Variants in RIMS1 observed in about 807,000 individuals in gnomAD.
RIMS1 encodes the protein regulating synaptic membrane exocytosis protein 1.
A neutral mutation model predicts 214.1 loss-of-function variants in RIMS1; 83 were observed. The ratio of observed to expected loss-of-function variants is 0.39; its 90% CI spans 0.32 to 0.47. RIMS1 has a LOEUF of 0.47. Ranked by LOEUF, RIMS1 falls within the 20% of genes least tolerant of loss-of-function variation. The pLI, the probability that RIMS1 is intolerant of heterozygous loss-of-function variation, is 0.99. For missense variants in RIMS1, 2,050 were observed against 2,161.8 expected, an observed-to-expected ratio of 0.95 and a Z score of 1.03; for synonymous variants, 793 against 786.8, an observed-to-expected ratio of 1.01 and a Z score of -0.13.
intron 4 of RIMS1, among the ~76,000 whole-genome samples, chr6:72,158,410 GTA>G (rs1425225389): frequency 7.1e-6 from 1 of 140,052 alleles, no homozygotes; most frequent in African/African-American, 2.5e-5. Flanking sequence ...TAAAAAGATT[GTA>G]TTTTTTTTAA....
chr6:72,358,697 T>G (rs959551259), intron 29 of RIMS1, among the ~76,000 whole-genome samples: 5 of 152,140 alleles, frequency 3.3e-5, no homozygotes, highest in African/African-American at 1.2e-4. Flanking sequence ...AGAGAATTAA[T>G]CAATAGAGCC....
intron 1 of RIMS1, among the ~76,000 whole-genome samples, chr6:71,963,699 A>G (rs1204435110): frequency 6.6e-6 from 1 of 152,164 alleles, no homozygotes; most frequent in Non-Finnish European, 1.5e-5. Flanking sequence ...AACCATATGA[A>G]CACAAATTTA....
rs2091403135 is a variant in RIMS1 at position 72,284,073 on chromosome 6, G to A, written c.3509G>A (p.Ser1170Asn). The A allele has an allele frequency of 1.2e-6, 2 of 1,613,104 alleles. No homozygotes were observed. The highest frequency in any genetic ancestry group is 1.7e-6 in the Non-Finnish European group (2 of 1,179,332). ...CACTCCAGAAAGTCTGAAAGATCTA[G>A]CATCCAAAAACAGACTAGGAAAGGC... is the stretch of plus-strand genomic sequence containing the variant. ...DRHSRKSERSSIQKQTRKGTA... is the reference protein window; with the variant it reads ...DRHSRKSERSNIQKQTRKGTA... The change falls in exon 24 of 34, where the codon AGC becomes AAC. Residue 1170 changes from serine to asparagine, a missense_variant. Coordinates refer to ENST00000521978, the MANE Select transcript of RIMS1 (RefSeq NM_014989.7).
chr6:72,144,520 AGGCTGCTGACATGAACAGATAATTGGT>A (rs1405177435), intron 4 of RIMS1, among the ~76,000 whole-genome samples: 1 of 152,152 alleles, frequency 6.6e-6, no homozygotes, highest in African/African-American at 2.4e-5. Flanking sequence ...AAAAGTCCTA[AGGCTGCTGACATGAACAGATAATTGGT>A]GGCTACAGTT....
intron 4 of RIMS1, among the ~76,000 whole-genome samples, chr6:72,121,301 ATTTG>A (rs2038248421): frequency 6.6e-6 from 1 of 151,812 alleles, no homozygotes; most frequent in Admixed American, 6.6e-5. Context: ...ATGTTGTTCC[ATTTG>A]TTTGTGTCCT....
intron 2 of RIMS1, among the ~76,000 whole-genome samples, chr6:72,043,862 T>C (rs1300010285): frequency 6.6e-6 from 1 of 151,476 alleles, no homozygotes; most frequent in Non-Finnish European, 1.5e-5. Context: ...TGAAGAAAAA[T>C]TTAATGAAAC....
chr6:72,090,993 T>A (rs954896709), intron 2 of RIMS1, among the ~76,000 whole-genome samples: 1 of 152,184 alleles, frequency 6.6e-6, no homozygotes, highest in African/African-American at 2.4e-5. Flanking sequence ...TGTGCTAAGG[T>A]TGACGAAGGG....
chr6:71,996,140 C>T (rs1803344757), intron 2 of RIMS1, among the ~76,000 whole-genome samples: 1 of 152,168 alleles, frequency 6.6e-6, no homozygotes, highest in Non-Finnish European at 1.5e-5. Context: ...CATAATTTAA[C>T]CATCTCTTCC....
intron 6 of RIMS1, among the ~76,000 whole-genome samples, chr6:72,217,656 T>C (rs886105041): frequency 6.6e-6 from 1 of 152,200 alleles, no homozygotes; most frequent in African/African-American, 2.4e-5. Context: ...TTTAAGTATA[T>C]ATAGATTGTT....
chr6:72,313,728 C>G, intron 28 of RIMS1, 56 bp downstream of exon 28: 1 of 1,482,850 alleles, frequency 6.7e-7, no homozygotes, highest in South Asian at 1.3e-5. Context: ...TATAAAAATA[C>G]AACTAGCTTC....
chr6:72,059,154 A>G (rs1827161678), intron 2 of RIMS1, among the ~76,000 whole-genome samples: 1 of 152,224 alleles, frequency 6.6e-6, no homozygotes, highest in Admixed American at 6.5e-5. Context: ...ACATGGTTCT[A>G]TCAGATTTTT....
At chr6:72,196,371 C>CTGTCTGTCTGTT (rs2050883104) in intron 6 of RIMS1, among the ~76,000 whole-genome samples, 1 of 126,768 alleles carries the variant, frequency 7.9e-6, no homozygotes, top group Non-Finnish European at 1.6e-5. Context: ...GTCTGTCTGT[C>CTGTCTGTCTGTT]TGTCTGTCTA....
chr6:72,257,434 T>C (rs1226079782), intron 16 of RIMS1, among the ~76,000 whole-genome samples: 1 of 152,088 alleles, frequency 6.6e-6, no homozygotes, highest in Non-Finnish European at 1.5e-5. Flanking sequence ...CTAATTAAAA[T>C]AATTATGGAG....
In RIMS1 at chr6:72,006,343, G is replaced by T. The variant is rs1000757535; in HGVS notation, c.245+37280G>T. On this transcript the variant is annotated intron_variant, in intron 2 of 33. Coordinates refer to ENST00000521978, the MANE Select transcript of RIMS1 (RefSeq NM_014989.7). ...GAAGATAACATTAAAGTTGAGACTTGGAGGGCGGTTCCAAGATGGCCAAAT... is the reference window on the plus strand; with the variant it reads ...GAAGATAACATTAAAGTTGAGACTTTGAGGGCGGTTCCAAGATGGCCAAAT... 3.3e-5 allele frequency among the ~76,000 whole-genome samples: 5 copies of T among 152,144 alleles called. No individual in the cohort carries two copies. In the South Asian group the frequency reaches 6.2e-4, roughly 19 times the overall value.
intron 4 of RIMS1, among the ~76,000 whole-genome samples, chr6:72,177,716 CA>C (rs1329958284): frequency 6.6e-6 from 1 of 152,102 alleles, no homozygotes; most frequent in Non-Finnish European, 1.5e-5. Context: ...GCTAAAGAGA[CA>C]AAAAACAAAC....
intron 4 of RIMS1, among the ~76,000 whole-genome samples, chr6:72,133,212 C>T (rs1217718543): frequency 6.8e-6 from 1 of 146,826 alleles, no homozygotes; most frequent in African/African-American, 2.5e-5. Context: ...AGCTCTCTCT[C>T]TTTTTTTTCT....
chr6:72,237,670 C>T (rs1590020003), intron 8 of RIMS1, among the ~76,000 whole-genome samples, 153 bp from the exon 9 acceptor site: 1 of 144,240 alleles, frequency 6.9e-6, no homozygotes, highest in African/African-American at 2.6e-5. Flanking sequence ...AGCAAGATCC[C>T]ATCTCAAAAA....
chr6:72,229,775 T>C (rs1029332128), intron 6 of RIMS1, among the ~76,000 whole-genome samples: 1 of 151,892 alleles, frequency 6.6e-6, no homozygotes, highest in African/African-American at 2.4e-5. Context: ...CTCTTGTGTA[T>C]GAGACTGTTT....
chr6:72,258,287 C>T lies in RIMS1; in HGVS notation c.2927+6C>T, dbSNP rs1411299172. 1.2e-6 allele frequency: 2 copies of T among 1,612,372 alleles called. No individual in the cohort carries two copies. Among genetic ancestry groups the T allele is most frequent in the East Asian group, 4.5e-5 (2 of 44,858 alleles). On this transcript the variant is annotated splice_donor_region_variant and intron_variant, in intron 17 of 33. Coordinates refer to ENST00000521978, the MANE Select transcript of RIMS1 (RefSeq NM_014989.7). ...CCAAATGTGCCATTACAGAGGTAGG[C>T]TTTGAAATGGGCTCAGTGTCCCTGA...
Sources: gnomAD v4.1 joint callset for allele counts (sites outside exome capture counted in the v4.1 genomes callset) on GRCh38, gnomAD v4.1.1 for gene constraint, MANE v1.5 for transcripts, NCBI Gene and HGNC (gene_info 2026-07-23, HGNC 2026-07-21) for gene names.